KLHL14: variants seen among roughly 807,000 people sequenced by gnomAD.
The protein encoded by KLHL14 is kelch-like protein 14.
In KLHL14, 22 loss-of-function variants were observed where a neutral mutation model predicts 64.3. The ratio of observed to expected loss-of-function variants is 0.34; its 90% CI spans 0.24 to 0.49. The LOEUF (loss-of-function observed/expected upper bound fraction) is 0.49. Ranked by LOEUF, KLHL14 falls within the 20% of genes least tolerant of loss-of-function variation. The probability of loss-of-function intolerance (pLI) is 0.99; values close to 1 mark genes in which losing one functional copy is unlikely to be tolerated. For missense variants in KLHL14, 661 were observed against 789.0 expected (o/e 0.84, Z 1.94); for synonymous variants, 322 against 333.4 (o/e 0.97, Z 0.37).
At chr18:32,751,647 G>T (rs538863354) in intron 2 of KLHL14, among the ~76,000 whole-genome samples, 2 of 152,140 alleles carry the variant, frequency 1.3e-5, no homozygotes, top group Non-Finnish European at 2.9e-5. Context: ...CTGAAGAACG[G>T]TCAGTCACGT....
At chr18:32,723,493 T>C (rs1284296954) in intron 3 of KLHL14, among the ~76,000 whole-genome samples, 1 of 152,088 alleles carries the variant, frequency 6.6e-6, no homozygotes, top group Non-Finnish European at 1.5e-5. Flanking sequence ...TTTTTCTGGG[T>C]CAGTGCAAGC....
intron 2 of KLHL14, among the ~76,000 whole-genome samples, chr18:32,761,368 C>CT (rs1378088281): frequency 2.7e-5 from 4 of 149,318 alleles, no homozygotes; most frequent in Non-Finnish European, 5.9e-5. Flanking sequence ...GACAACCCCT[C>CT]TTGCCACAAA....
chr18:32,693,686 C>A (rs1359407193), intron 4 of KLHL14, among the ~76,000 whole-genome samples: 1 of 152,100 alleles, frequency 6.6e-6, no homozygotes, highest in Non-Finnish European at 1.5e-5. Flanking sequence ...TGAGAACCAT[C>A]CCTATGGTAA....
At chr18:32,771,710 CA>C (rs2050386775) in intron 1 of KLHL14, among the ~76,000 whole-genome samples, 1 of 151,734 alleles carries the variant, frequency 6.6e-6, no homozygotes, top group Non-Finnish European at 1.5e-5. Context: ...CCCTCCCGGG[CA>C]CCAGGCGCAG....
chr18:32,770,046 C>A lies in KLHL14; in HGVS notation c.546G>T (p.Ser182=), dbSNP rs777039357. The change falls in exon 2 of 9, where the codon TCG becomes TCT. Residue 182 remains serine, a synonymous_variant. Transcript: ENST00000359358. This position sits in a 1 kb window ranked among gnomAD's most constrained non-coding sequence, Gnocchi z 6.7. ...LCVQFLNDQI[S]VQNYKQVCKI... Reference sequence around the variant, plus strand: ...TGCACACCTGCTTGTAGTTCTGCACCGAGATCTGGTCGTTGAGGAACTGCA... The same window carrying A: ...TGCACACCTGCTTGTAGTTCTGCACAGAGATCTGGTCGTTGAGGAACTGCA... 1 of 1,614,046 alleles carries A rather than the reference C, an allele frequency of 6.2e-7. No individual in the cohort carries two copies. The highest frequency in any genetic ancestry group is 8.5e-7 in the Non-Finnish European group (1 of 1,180,038).
chr18:32,691,468 C>T (rs567884384), intron 4 of KLHL14, among the ~76,000 whole-genome samples: 2 of 152,056 alleles, frequency 1.3e-5, no homozygotes, highest in Non-Finnish European at 1.5e-5. Flanking sequence ...TGCTCAAAGT[C>T]GGGAGTTCAA....
In KLHL14 at chr18:32,770,097, G is replaced by A. The variant is rs765029060; in HGVS notation, c.495C>T (p.His165=). The part of the protein sequence containing the change: ...EEVLSVSKIL[H]IPQVTKLCVQ... ...CGCAGAGCTTGGTGACCTGGGGGAT[G>A]TGCAGGATCTTGCTGACCGACAGCA... Residue 165 remains histidine, a synonymous_variant, in exon 2 of 9, where the codon CAC becomes CAT. Transcript: ENST00000359358. This position sits in a 1 kb window ranked among gnomAD's most constrained non-coding sequence, Gnocchi z 6.7. 6.2e-7 allele frequency: 1 copy of A among 1,614,180 alleles called. No homozygotes were observed. Among genetic ancestry groups the A allele is most frequent in the Non-Finnish European group, 8.5e-7 (1 of 1,180,028 alleles).
intron 2 of KLHL14, among the ~76,000 whole-genome samples, chr18:32,757,113 A>T (rs893818983): frequency 2.0e-5 from 3 of 152,228 alleles, no homozygotes; most frequent in Non-Finnish European, 2.9e-5. Context: ...GTTCATGAAG[A>T]TACATAATCA....
At chr18:32,771,712 C>T (rs2050386798) in intron 1 of KLHL14, among the ~76,000 whole-genome samples, 1 of 151,768 alleles carries the variant, frequency 6.6e-6, no homozygotes, top group Non-Finnish European at 1.5e-5. Flanking sequence ...CTCCCGGGCA[C>T]CAGGCGCAGT....
chr18:32,751,484 T>TTTA (rs2050251513), intron 2 of KLHL14, among the ~76,000 whole-genome samples: 2 of 152,100 alleles, frequency 1.3e-5, no homozygotes, highest in Admixed American at 1.3e-4. Flanking sequence ...CAGGATGGGT[T>TTTA]TTATTTTCCT....
chr18:32,752,965 G>C (rs1598576764), intron 2 of KLHL14, among the ~76,000 whole-genome samples: 1 of 83,840 alleles, frequency 1.2e-5, no homozygotes, highest in South Asian at 3.5e-4. Flanking sequence ...TTGTGTGTGT[G>C]TGTGTGTGTG....
At chr18:32,758,810 C>T (rs976704162) in intron 2 of KLHL14, among the ~76,000 whole-genome samples, 1 of 152,122 alleles carries the variant, frequency 6.6e-6, no homozygotes, top group Non-Finnish European at 1.5e-5. Context: ...TGCAAATACA[C>T]TACATGAAAG....
intron 2 of KLHL14, among the ~76,000 whole-genome samples, chr18:32,764,826 G>A (rs2050331893): frequency 6.6e-6 from 1 of 151,958 alleles, no homozygotes; most frequent in Non-Finnish European, 1.5e-5. Flanking sequence ...AATAAACACT[G>A]TGTTGCTTTT....
In KLHL14 at chr18:32,680,129, A is replaced by G; in HGVS notation, c.1588+40T>C. 1 of 1,599,644 alleles carries G rather than the reference A, an allele frequency of 6.3e-7. No individual in the cohort carries two copies. The highest frequency in any genetic ancestry group is 1.3e-5 in the African/African-American group (1 of 74,642). On this transcript the variant is annotated intron_variant, in intron 7 of 8. Transcript: ENST00000359358. The surrounding 1 kb of genome is among the most constrained non-coding windows in gnomAD (Gnocchi z 4.8). ...CCTTAGCGAGAAATATGAGGTGCAA[A>G]TGTTATTGTGACTAAAAAACAAAAC...
rs1224636870 is a variant in KLHL14 at position 32,683,507 on chromosome 18, C to T, written c.1239-2908G>A. On this transcript the variant is annotated intron_variant, in intron 5 of 8. Transcript: ENST00000359358. The surrounding 1 kb of genome is among the most constrained non-coding windows in gnomAD (Gnocchi z 4.2). The stretch of plus-strand genomic sequence containing the variant: ...GACAATGCTCCCTGCCCCTCTTCGC[C>T]ACATGAAGAACATATAAGGTTCAGG... 2.0e-5 allele frequency among the ~76,000 whole-genome samples: 3 copies of T among 152,128 alleles called. No individual in the cohort carries two copies. Among genetic ancestry groups the T allele is most frequent in the Admixed American group, 6.5e-5 (1 of 15,268 alleles).
chr18:32,769,418 G>A (rs771774574), intron 2 of KLHL14, among the ~76,000 whole-genome samples: 28 of 152,118 alleles, frequency 1.8e-4, no homozygotes, highest in Non-Finnish European at 3.5e-4. Flanking sequence ...CTAGAACCTC[G>A]GCTTTGGAGC....
At chr18:32,765,410 C>T in intron 2 of KLHL14, among the ~76,000 whole-genome samples, 1 of 152,050 alleles carries the variant, frequency 6.6e-6, no homozygotes, top group East Asian at 1.9e-4. Flanking sequence ...CATTAGTATC[C>T]TTTTTAATTG....
chr18:32,709,130 A>G (rs1173148789), intron 3 of KLHL14, among the ~76,000 whole-genome samples: 2 of 152,174 alleles, frequency 1.3e-5, no homozygotes, highest in African/African-American at 4.8e-5. Flanking sequence ...ATGGTCTGCA[A>G]AGATCACACG....
At chr18:32,720,475 G>C (rs1455738956) in intron 3 of KLHL14, among the ~76,000 whole-genome samples, 2 of 152,118 alleles carry the variant, frequency 1.3e-5, no homozygotes, top group Non-Finnish European at 2.9e-5. Flanking sequence ...CAAAGGCAAG[G>C]TAATTTTAAG....
Sources: allele counts gnomAD v4.1 joint callset (sites outside exome capture counted in the v4.1 genomes callset), GRCh38; gene constraint gnomAD v4.1.1; non-coding constraint Gnocchi (gnomAD v3.1); transcripts MANE v1.5; gene names NCBI Gene and HGNC (gene_info 2026-07-23, HGNC 2026-07-21).